Variants in RASSF2 observed in about 807,000 individuals in gnomAD.
RASSF2 encodes the protein ras association domain-containing protein 2.
Under a neutral mutation model 46.3 loss-of-function variants are expected in RASSF2, and 34 were observed. The ratio of observed to expected loss-of-function variants is 0.73; its 90% CI spans 0.56 to 0.98. The LOEUF is 0.98. Among genes scored for constraint, RASSF2 ranks in the 50% least tolerant of loss-of-function variants. The pLI is 0.00. For missense variants in RASSF2, 364 were observed against 431.2 expected (o/e 0.84, Z 1.38); for synonymous variants, 158 against 162.5 (o/e 0.97, Z 0.21).
intron 4 of RASSF2, among the ~76,000 whole-genome samples, chr20:4,797,332 C>T (rs887223215): frequency 5.9e-5 from 9 of 152,174 alleles, no homozygotes; most frequent in Admixed American, 4.6e-4. Context: ...ATGGTTAAAT[C>T]GCCACAGCTT....
chr20:4,788,457 T>C (rs1305767507), intron 8 of RASSF2, among the ~76,000 whole-genome samples, 189 bp from the exon 9 acceptor site: 1 of 152,204 alleles, frequency 6.6e-6, no homozygotes, highest in East Asian at 1.9e-4. Flanking sequence ...AATAATACAG[T>C]CATGCACTTA....
rs950766432 is a variant in RASSF2 at position 4,812,838 on chromosome 20, T to C, written c.-33+9491A>G. Among the ~76,000 whole-genome samples the C allele has an allele frequency of 1.3e-5, 2 of 152,202 alleles. No individual in the cohort carries two copies. The highest frequency in any genetic ancestry group is 2.9e-5 in the Non-Finnish European group (2 of 68,028). On this transcript the variant is annotated intron_variant, in intron 2 of 11. Coordinates refer to ENST00000379400, the MANE Select transcript of RASSF2 (RefSeq NM_014737.3). This position sits in a 1 kb window ranked among gnomAD's most constrained non-coding sequence, Gnocchi z 4.0. Reference sequence around the variant, plus strand: ...ATGCAGCCCAGTGCTCCTGTGGCTCTCTGGCTGAGCGCTGGATCTGAGAGG... The same window carrying C: ...ATGCAGCCCAGTGCTCCTGTGGCTCCCTGGCTGAGCGCTGGATCTGAGAGG...
intron 8 of RASSF2, among the ~76,000 whole-genome samples, chr20:4,788,773 A>G (rs1444196482): frequency 2.0e-5 from 3 of 152,200 alleles, no homozygotes; most frequent in Non-Finnish European, 4.4e-5. Flanking sequence ...TCATTGACCA[A>G]ATTGGTCATT....
At chr20:4,810,929 G>A (rs1374649452) in intron 2 of RASSF2, among the ~76,000 whole-genome samples, 1 of 152,148 alleles carries the variant, frequency 6.6e-6, no homozygotes, top group Non-Finnish European at 1.5e-5. Flanking sequence ...GCCAAAGCCT[G>A]GACTGAAACC....
chr20:4,811,682 G>T (rs767750617), intron 2 of RASSF2, among the ~76,000 whole-genome samples: 1 of 152,162 alleles, frequency 6.6e-6, no homozygotes, highest in Non-Finnish European at 1.5e-5. Context: ...CAGGGTCTAT[G>T]TGTGCAGGCA....
intron 5 of RASSF2, 54 bp from the exon 6 acceptor site, chr20:4,792,681 G>T: frequency 6.3e-7 from 1 of 1,588,612 alleles, no homozygotes; most frequent in South Asian, 1.1e-5. Context: ...GCCCTGTGGA[G>T]AGACGCCCCC....
intron 9 of RASSF2, 133 bp downstream of exon 9, chr20:4,788,084 C>T (rs1925526135): frequency 3.4e-6 from 3 of 882,576 alleles, no homozygotes; most frequent in African/African-American, 1.7e-5. Flanking sequence ...GCAAGCCCAT[C>T]AGCCTTGAAG....
chr20:4,808,010 G>A (rs112820702), intron 2 of RASSF2, among the ~76,000 whole-genome samples: 1,750 of 152,280 alleles, frequency 0.011, 34 homozygotes, highest in African/African-American at 0.04. Flanking sequence ...ACAGAGGGCC[G>A]GAAATTCACA....
chr20:4,813,247 C>G (rs950976819), intron 2 of RASSF2, among the ~76,000 whole-genome samples: 1 of 152,176 alleles, frequency 6.6e-6, no homozygotes, highest in Non-Finnish European at 1.5e-5. Flanking sequence ...CCTGCCTGGC[C>G]CACCGACACA....
At chr20:4,785,064 C>T (rs1367645313) in intron 11 of RASSF2, among the ~76,000 whole-genome samples, 2 of 149,806 alleles carry the variant, frequency 1.3e-5, no homozygotes, top group African/African-American at 2.5e-5. Context: ...AATCCCAGCA[C>T]TCTGAGAGGC....
At position 4,812,688 on chromosome 20, in the gene RASSF2, G is replaced by A. The variant is rs1927920915; in HGVS notation, c.-33+9641C>T. 6.6e-6 allele frequency among the ~76,000 whole-genome samples: 1 copy of A among 152,198 alleles called. No homozygotes were observed. Among genetic ancestry groups the A allele is most frequent in the African/African-American group, 2.4e-5 (1 of 41,424 alleles). ...CAGGGCTGCTGCTGATGCTGCTGGTGGTAGCAGGCTCTAGATGCTTTATCT... is the reference window on the plus strand; with the variant it reads ...CAGGGCTGCTGCTGATGCTGCTGGTAGTAGCAGGCTCTAGATGCTTTATCT... On this transcript the variant is annotated intron_variant, in intron 2 of 11. Coordinates refer to ENST00000379400, the MANE Select transcript of RASSF2 (RefSeq NM_014737.3). This position sits in a 1 kb window ranked among gnomAD's most constrained non-coding sequence, Gnocchi z 4.0.
In RASSF2 at chr20:4,790,345, C is replaced by T; in HGVS notation, c.537+106G>A. 2 of 1,263,376 alleles carry T rather than the reference C, an allele frequency of 1.6e-6. No homozygotes were observed. The highest frequency in any genetic ancestry group is 2.1e-6 in the Non-Finnish European group (2 of 968,644). 78.3% of individuals were successfully genotyped at this position (1,263,376 alleles called of 1,614,324 possible). ...CCCAAAGACTAAACAGCAGCAAACACTTGGCTTCCCAGGCATCCACACCAC... is the reference window on the plus strand; with the variant it reads ...CCCAAAGACTAAACAGCAGCAAACATTTGGCTTCCCAGGCATCCACACCAC... On this transcript the variant is annotated intron_variant, in intron 7 of 11. Transcript: ENST00000379400. This position sits in a 1 kb window ranked among gnomAD's most constrained non-coding sequence, Gnocchi z 4.3.
intron 2 of RASSF2, among the ~76,000 whole-genome samples, chr20:4,814,173 A>G (rs1176934209): frequency 6.6e-6 from 1 of 152,154 alleles, no homozygotes; most frequent in Non-Finnish European, 1.5e-5. Flanking sequence ...GATTTAAGGG[A>G]GGCCACCCTG....
chr20:4,799,902 A>G (rs1234354744), intron 3 of RASSF2, among the ~76,000 whole-genome samples: 1 of 152,244 alleles, frequency 6.6e-6, no homozygotes, highest in African/African-American at 2.4e-5. Flanking sequence ...ACCTGAGGTC[A>G]GGTGTTCAAG....
intron 5 of RASSF2, among the ~76,000 whole-genome samples, chr20:4,794,374 GC>G (rs1324755088): frequency 2.6e-5 from 4 of 152,122 alleles, no homozygotes; most frequent in Non-Finnish European, 5.9e-5. Context: ...TTCAAGACCA[GC>G]CTGGCCAACA....
intron 2 of RASSF2, among the ~76,000 whole-genome samples, chr20:4,806,486 C>T (rs1321693762): frequency 1.3e-5 from 2 of 152,158 alleles, no homozygotes; most frequent in South Asian, 4.1e-4. Context: ...GTTCTGTCAC[C>T]CAGGCTGGGG....
rs1228398672 is a variant in RASSF2, at chr20:4,822,414, G to C, written c.-107-11C>G. The C allele has an allele frequency of 1.0e-5, 1 of 96,214 alleles. No homozygotes were observed. Among genetic ancestry groups the C allele is most frequent in the Non-Finnish European group, 2.3e-5 (1 of 43,382 alleles). 6.0% of individuals were successfully genotyped at this position (96,214 alleles called of 1,614,324 possible). On this transcript the variant is annotated splice_polypyrimidine_tract_variant and intron_variant, in intron 1 of 11. Transcript: ENST00000379400. ...CGGGATTCCAGATACCTGGGAAATA[G>C]AGTGCACGCAGCTGTTGAGAGGCCT...
intron 11 of RASSF2, among the ~76,000 whole-genome samples, chr20:4,785,971 A>C (rs369117676): frequency 6.6e-6 from 1 of 152,244 alleles, no homozygotes. Flanking sequence ...CCTTCTTTTC[A>C]GAGTCTTTCC....
At chr20:4,791,350 G>A (rs1046917348) in intron 6 of RASSF2, among the ~76,000 whole-genome samples, 11 of 152,172 alleles carry the variant, frequency 7.2e-5, no homozygotes, top group East Asian at 1.9e-4. Flanking sequence ...TGATGGTTGC[G>A]CAACATTATG....
Sources: gnomAD v4.1 joint callset for allele counts (sites outside exome capture counted in the v4.1 genomes callset) on GRCh38, gnomAD v4.1.1 for gene constraint, Gnocchi (gnomAD v3.1) non-coding constraint, MANE v1.5 for transcripts, NCBI Gene and HGNC (gene_info 2026-07-23, HGNC 2026-07-21) for gene names.